Variants in ATXN7 observed in about 807,000 individuals in gnomAD.
The protein encoded by ATXN7 is ataxin-7.
Under a neutral mutation model 70.5 loss-of-function variants are expected in ATXN7, and 12 were observed. The observed-to-expected ratio is 0.17, with a 90% CI of 0.11 to 0.28. ATXN7 has a LOEUF of 0.28. Among genes scored for constraint, ATXN7 ranks in the 10% least tolerant of loss-of-function variants. ATXN7 has a pLI of 1.00. For missense variants in ATXN7, 1,256 were observed against 1,131.7 expected (o/e 1.11, Z -1.58); for synonymous variants, 498 against 448.7 (o/e 1.11, Z -1.39).
At chr3:63,912,121 C>A (rs1053759105) in intron 2 of ATXN7, 16 of 152,260 alleles carry the variant, frequency 1.1e-4, no homozygotes, top group African/African-American at 3.4e-4. Flanking sequence ...CGGACGGACG[C>A]GCGGACGGAA....
rs59256288 is a variant in ATXN7 at position 63,952,835 on chromosome 3, C to CTTTTTTTTTTTTTTT, written c.499+369_499+383dup. 1.6e-4 allele frequency among the ~76,000 whole-genome samples: 8 copies of CTTTTTTTTTTTTTTT among 49,164 alleles called. 1 individual carries two copies. Among genetic ancestry groups the CTTTTTTTTTTTTTTT allele is most frequent in the African/African-American group, 6.1e-4 (6 of 9,806 alleles). 32.3% of individuals were successfully genotyped at this position (49,164 alleles called of 152,430 possible). A position where few individuals can be genotyped will look rare whatever the true frequency, so the allele number is the denominator to read the frequency against. On this transcript the variant is annotated intron_variant, in intron 5 of 12. Transcript: ENST00000674280. ...ACACTCACAATATGGATGCATGGGC[C>CTTTTTTTTTTTTTTT]TTTTTTTTTTTTTTTTTTTTTTTTT...
intron 4 of ATXN7, among the ~76,000 whole-genome samples, chr3:63,924,870 G>A (rs1159755408): frequency 6.6e-6 from 1 of 152,152 alleles, no homozygotes; most frequent in Non-Finnish European, 1.5e-5. Flanking sequence ...AGGATCTAAG[G>A]GAATGATGAG....
intron 4 of ATXN7, among the ~76,000 whole-genome samples, chr3:63,945,811 G>C (rs2074849734): frequency 6.6e-6 from 1 of 152,200 alleles, no homozygotes; most frequent in South Asian, 2.1e-4. Context: ...AAGCCACATT[G>C]AAGCTAAGAC....
chr3:63,990,582 C>G (rs1267275126), intron 10 of ATXN7, 156 bp from the exon 11 acceptor site: 1 of 1,289,800 alleles, frequency 7.8e-7, no homozygotes, highest in African/African-American at 1.5e-5. Context: ...CCATGACGCT[C>G]AGGGCTAGGC....
At chr3:63,929,655 A>G (rs1704866017) in intron 4 of ATXN7, among the ~76,000 whole-genome samples, 1 of 152,088 alleles carries the variant, frequency 6.6e-6, no homozygotes, top group African/African-American at 2.4e-5. Flanking sequence ...AACTAAGTAG[A>G]TTGATCTGAC....
intron 1 of ATXN7, among the ~76,000 whole-genome samples, chr3:63,881,915 C>G (rs2107224188): frequency 6.6e-6 from 1 of 152,246 alleles, no homozygotes; most frequent in South Asian, 2.1e-4. Flanking sequence ...TGTGGGGAGT[C>G]CTTGATGGAT....
intron 1 of ATXN7, among the ~76,000 whole-genome samples, chr3:63,880,397 C>G (rs1425293541): frequency 2.6e-5 from 4 of 152,178 alleles, no homozygotes; most frequent in Non-Finnish European, 5.9e-5. Context: ...TGCCAGATAG[C>G]CCTGACTCAA....
At chr3:63,982,039 A>G in intron 6 of ATXN7, 147 bp from the exon 7 acceptor site, 4 of 1,087,938 alleles carry the variant, frequency 3.7e-6, no homozygotes, top group Non-Finnish European at 5.3e-6. Context: ...AACCTTACTA[A>G]CAAAACTCAT....
chr3:63,920,673 A>C (rs1056914399), intron 4 of ATXN7, among the ~76,000 whole-genome samples: 1 of 151,904 alleles, frequency 6.6e-6, no homozygotes, highest in Non-Finnish European at 1.5e-5. Context: ...CTTTTATAAC[A>C]TTTTTTCTTT....
chr3:63,937,831 C>G (rs1400421893), intron 4 of ATXN7, among the ~76,000 whole-genome samples: 1 of 152,170 alleles, frequency 6.6e-6, no homozygotes, highest in Non-Finnish European at 1.5e-5. Context: ...GTTACTTAAT[C>G]TTGCGGTGCC....
In ATXN7 at chr3:63,982,224, AAAT is replaced by A. The variant is rs756519303; in HGVS notation, c.792_794del (p.Met265del). ...GTGAAAGTGGAAAAGATTCATCCGA[AAAT>A]GGATGGCACACTACTGAAATCTGCG... On this transcript the variant is annotated inframe_deletion, in exon 7 of 13. Transcript: ENST00000674280. The A allele has an allele frequency of 5.0e-6, 8 of 1,613,902 alleles. No individual in the cohort carries two copies. In the South Asian group the frequency reaches 7.7e-5, roughly 16 times the overall value.
At chr3:63,980,838 G>A (rs1559655284) in intron 6 of ATXN7, among the ~76,000 whole-genome samples, 1 of 152,164 alleles carries the variant, frequency 6.6e-6, no homozygotes, top group Non-Finnish European at 1.5e-5. Context: ...GGGAAGCAGT[G>A]CTTCCTCCCT....
chr3:63,921,161 C>A (rs1704496654), intron 4 of ATXN7, among the ~76,000 whole-genome samples: 1 of 152,204 alleles, frequency 6.6e-6, no homozygotes, highest in African/African-American at 2.4e-5. Context: ...GTAATAAAGA[C>A]CCTGCTAGCA....
intron 1 of ATXN7, among the ~76,000 whole-genome samples, chr3:63,877,961 T>G (rs1702794309): frequency 6.6e-6 from 1 of 152,310 alleles, no homozygotes; most frequent in African/African-American, 2.4e-5. Flanking sequence ...GCTAATCTGG[T>G]CAGAACTGTT....
chr3:63,989,110 C>T (rs187786165), intron 9 of ATXN7, among the ~76,000 whole-genome samples: 1 of 152,300 alleles, frequency 6.6e-6, no homozygotes, highest in East Asian at 1.9e-4. Context: ...AAGGTGGAAG[C>T]ATCTCCCTCG....
At chr3:63,863,467 G>A, upstream of ATXN7, 1 of 1,155,432 alleles carries the variant, frequency 8.7e-7, no homozygotes, top group Non-Finnish European at 1.1e-6. Flanking sequence ...GGCCACCCAC[G>A]TGTGTTCCCA....
intron 10 of ATXN7, 103 bp downstream of exon 10, chr3:63,990,477 C>A: frequency 7.1e-7 from 1 of 1,417,786 alleles, no homozygotes; most frequent in Non-Finnish European, 9.7e-7. Context: ...ATGTGTGGGA[C>A]GCGGTCAAGG....
chr3:63,909,700 T>C (rs548504103), intron 2 of ATXN7, among the ~76,000 whole-genome samples: 6 of 152,364 alleles, frequency 3.9e-5, no homozygotes, highest in African/African-American at 1.4e-4. Context: ...CGACTATGGA[T>C]ATCAGAACAT....
chr3:63,940,172 C>T (rs1389673055), intron 4 of ATXN7, among the ~76,000 whole-genome samples: 1 of 151,914 alleles, frequency 6.6e-6, no homozygotes, highest in Admixed American at 6.6e-5. Flanking sequence ...CCAGAAAGGA[C>T]CTGAGAAGGC....
Sources: gnomAD v4.1 joint callset for allele counts (sites outside exome capture counted in the v4.1 genomes callset) on GRCh38, gnomAD v4.1.1 for gene constraint, MANE v1.5 for transcripts, NCBI Gene and HGNC (gene_info 2026-07-23, HGNC 2026-07-21) for gene names.